The following SNTG2 variants were observed in gnomAD, a reference collection of about 807,000 sequenced individuals.
The protein encoded by SNTG2 is syntrophin gamma 2.
A neutral mutation model predicts 70.9 loss-of-function variants in SNTG2; 74 were observed. The ratio of observed to expected loss-of-function variants is 1.04; its 90% CI spans 0.86 to 1.27. The LOEUF is 1.27. Among genes scored for constraint, SNTG2 ranks in the 50% most tolerant of loss-of-function variants. The probability of loss-of-function intolerance (pLI) is 0.00; values close to 1 mark genes in which losing one functional copy is unlikely to be tolerated. For synonymous variants in SNTG2, 278 were observed against 273.8 expected, an observed-to-expected ratio of 1.02 and a Z score of -0.15; for missense variants, 717 against 690.7, an observed-to-expected ratio of 1.04 and a Z score of -0.43.
At chr2:956,575 C>T (rs1030593331) in intron 1 of SNTG2, among the ~76,000 whole-genome samples, 1 of 152,256 alleles carries the variant, frequency 6.6e-6, no homozygotes, top group African/African-American at 2.4e-5. Flanking sequence ...GACCCGCTCC[C>T]CCAGGGCCCC....
intron 1 of SNTG2, among the ~76,000 whole-genome samples, chr2:1,021,188 T>C (rs1262639550): frequency 6.6e-6 from 1 of 152,174 alleles, no homozygotes; most frequent in Admixed American, 6.5e-5. Context: ...TTTTTGAGTA[T>C]TATTACATAT....
At chr2:1,014,750 G>A (rs1359865655) in intron 1 of SNTG2, among the ~76,000 whole-genome samples, 1 of 150,544 alleles carries the variant, frequency 6.6e-6, no homozygotes, top group Non-Finnish European at 1.5e-5. Flanking sequence ...GAGAGAGAAG[G>A]GTGGTCTGGA....
intron 6 of SNTG2, among the ~76,000 whole-genome samples, chr2:1,155,318 C>T (rs931147081): frequency 1.3e-5 from 2 of 151,430 alleles, no homozygotes; most frequent in African/African-American, 4.9e-5. Flanking sequence ...ACATTCACAC[C>T]ACATGCATAT....
chr2:1,088,833 A>G (rs1664840024), intron 2 of SNTG2, among the ~76,000 whole-genome samples: 1 of 152,196 alleles, frequency 6.6e-6, no homozygotes, highest in Non-Finnish European at 1.5e-5. Context: ...TTCTTGTTTG[A>G]AATTGATTTC....
intron 12 of SNTG2, among the ~76,000 whole-genome samples, chr2:1,255,875 T>A (rs1350163355): frequency 9.0e-5 from 5 of 55,856 alleles, no homozygotes; most frequent in African/African-American, 1.9e-4. Context: ...TATATATAAA[T>A]ATATATATAA....
chr2:1,141,826 G>C (rs1332984938), intron 6 of SNTG2, among the ~76,000 whole-genome samples: 1 of 152,044 alleles, frequency 6.6e-6, no homozygotes, highest in South Asian at 2.1e-4. Context: ...TTGGGGCCCT[G>C]AGACAAGTGT....
At chr2:961,878 G>A (rs1660362236) in intron 1 of SNTG2, among the ~76,000 whole-genome samples, 1 of 152,184 alleles carries the variant, frequency 6.6e-6, no homozygotes, top group Admixed American at 6.5e-5. Context: ...GCCAGGCTGG[G>A]TTTATAGAAA....
intron 1 of SNTG2, among the ~76,000 whole-genome samples, chr2:1,053,006 TTC>T (rs1321806157): frequency 6.6e-6 from 1 of 152,246 alleles, no homozygotes; most frequent in Non-Finnish European, 1.5e-5. Flanking sequence ...AGCGGAGATT[TTC>T]TGTTATCTTT....
chr2:1,303,777 G>C (rs12989099), intron 14 of SNTG2, among the ~76,000 whole-genome samples: 2,180 of 152,270 alleles, frequency 0.014, 27 homozygotes, highest in East Asian at 0.049. Flanking sequence ...TAAATGAAAT[G>C]GGATATCACT....
chr2:1,001,039 T>C (rs1033793128), intron 1 of SNTG2, among the ~76,000 whole-genome samples: 14 of 152,040 alleles, frequency 9.2e-5, no homozygotes, highest in Non-Finnish European at 1.3e-4. Flanking sequence ...TCTCAATAGA[T>C]GCAGAAGAAG....
chr2:1,261,679 C>T (rs1377879669), intron 13 of SNTG2, among the ~76,000 whole-genome samples: 1 of 152,164 alleles, frequency 6.6e-6, no homozygotes, highest in Non-Finnish European at 1.5e-5. Flanking sequence ...CAGGAAAAGT[C>T]AATATTCTCA....
At chr2:1,257,060 C>T (rs909314209) in intron 12 of SNTG2, among the ~76,000 whole-genome samples, 1 of 151,900 alleles carries the variant, frequency 6.6e-6, no homozygotes, top group Non-Finnish European at 1.5e-5. Flanking sequence ...TCACTGCCCC[C>T]ACCTCCCCTG....
chr2:1,278,114 A>T (rs1679342427), intron 14 of SNTG2, among the ~76,000 whole-genome samples: 1 of 152,250 alleles, frequency 6.6e-6, no homozygotes, highest in Non-Finnish European at 1.5e-5. Context: ...GTTCCAAGCA[A>T]ATCTGGAACT....
chr2:1,095,874 A>G (rs1023009590), intron 2 of SNTG2, among the ~76,000 whole-genome samples: 3 of 152,210 alleles, frequency 2.0e-5, no homozygotes, highest in African/African-American at 7.2e-5. Context: ...CTCATCCTCC[A>G]TAGCCTTAGA....
chr2:1,255,885 A>AATATATGTAAAT (rs1678060458), intron 12 of SNTG2, among the ~76,000 whole-genome samples: 1 of 90,478 alleles, frequency 1.1e-5, no homozygotes, highest in Non-Finnish European at 2.3e-5. Flanking sequence ...TATATATATA[A>AATATATGTAAAT]ATATATATAA....
chr2:1,065,583 A>G (rs1663096947), intron 1 of SNTG2, among the ~76,000 whole-genome samples: 1 of 152,218 alleles, frequency 6.6e-6, no homozygotes. Flanking sequence ...CAGTTTAAAT[A>G]TTCAAATTAT....
intron 6 of SNTG2, among the ~76,000 whole-genome samples, chr2:1,152,367 A>G (rs1010793788): frequency 3.0e-4 from 45 of 152,370 alleles, no homozygotes; most frequent in African/African-American, 9.6e-4. Context: ...GTTTGTGCAC[A>G]TGCATGTACG....
At chr2:992,724 A>G (rs1661542438) in intron 1 of SNTG2, among the ~76,000 whole-genome samples, 1 of 152,226 alleles carries the variant, frequency 6.6e-6, no homozygotes, top group Non-Finnish European at 1.5e-5. Context: ...GTTGAAAAGC[A>G]GCTGCCAACA....
intron 1 of SNTG2, among the ~76,000 whole-genome samples, chr2:979,990 A>C (rs1031159069): frequency 6.6e-6 from 1 of 152,184 alleles, no homozygotes; most frequent in Non-Finnish European, 1.5e-5. Context: ...AAAGTAAGTA[A>C]ATTTTTATTC....
Sources: allele counts gnomAD v4.1 joint callset (sites outside exome capture counted in the v4.1 genomes callset), GRCh38; gene constraint gnomAD v4.1.1; transcripts MANE v1.5; gene names NCBI Gene and HGNC (gene_info 2026-07-23, HGNC 2026-07-21).